GPC6: variants seen among roughly 807,000 people sequenced by gnomAD.
GPC6 encodes the protein glypican-6.
GPC6 carries 14 observed loss-of-function variants against 55.2 expected under a neutral mutation model. That is an observed-to-expected ratio of 0.25 (90% CI 0.17 to 0.40). The LOEUF (loss-of-function observed/expected upper bound fraction) is 0.40. Ranked by LOEUF, GPC6 falls within the 10% of genes least tolerant of loss-of-function variation. The pLI is 1.00. For synonymous variants in GPC6, 278 were observed against 259.6 expected (o/e 1.07, Z -0.68); for missense variants, 641 against 708.5 (o/e 0.90, Z 1.08).
At chr13:93,477,567 GTTAAT>G (rs1357007459) in intron 1 of GPC6, among the ~76,000 whole-genome samples, 1 of 152,062 alleles carries the variant, frequency 6.6e-6, no homozygotes, top group Non-Finnish European at 1.5e-5. Context: ...CCAAAACTCA[GTTAAT>G]TTAACTATCA....
chr13:94,186,404 C>T (rs766391601), intron 4 of GPC6, among the ~76,000 whole-genome samples: 1 of 152,198 alleles, frequency 6.6e-6, no homozygotes, highest in Non-Finnish European at 1.5e-5. Flanking sequence ...AATTTCGTAT[C>T]ATTGTCTTAC....
At chr13:93,617,329 A>C (rs1422969689) in intron 2 of GPC6, among the ~76,000 whole-genome samples, 1 of 152,048 alleles carries the variant, frequency 6.6e-6, no homozygotes, top group African/African-American at 2.4e-5. Flanking sequence ...AACTCTTTAA[A>C]CTCTGTAATG....
intron 1 of GPC6, among the ~76,000 whole-genome samples, chr13:93,231,803 G>A (rs1274983507): frequency 4.6e-5 from 7 of 151,978 alleles, no homozygotes; most frequent in African/African-American, 1.2e-4. Context: ...AAAAAAAAAT[G>A]TAACTAGCTC....
At chr13:94,288,104 C>T (rs952340618) in intron 5 of GPC6, among the ~76,000 whole-genome samples, 1 of 152,104 alleles carries the variant, frequency 6.6e-6, no homozygotes, top group Non-Finnish European at 1.5e-5. Context: ...ACCATTCCAG[C>T]CCTCAGTAAG....
intron 1 of GPC6, among the ~76,000 whole-genome samples, chr13:93,241,781 A>T (rs1276701090): frequency 1.3e-5 from 2 of 151,438 alleles, no homozygotes; most frequent in African/African-American, 4.9e-5. Context: ...TCATCTGGAT[A>T]GAATTGTTTC....
chr13:94,263,331 A>G (rs1891705651), intron 4 of GPC6, among the ~76,000 whole-genome samples: 1 of 152,216 alleles, frequency 6.6e-6, no homozygotes, highest in South Asian at 2.1e-4. Context: ...CATTTGTTTA[A>G]CACCTGCTAC....
intron 1 of GPC6, among the ~76,000 whole-genome samples, chr13:93,271,292 C>T (rs763677648): frequency 6.6e-6 from 1 of 152,126 alleles, no homozygotes; most frequent in African/African-American, 2.4e-5. Flanking sequence ...AACTACGTTA[C>T]AAAACATTGG....
intron 3 of GPC6, among the ~76,000 whole-genome samples, chr13:93,932,476 T>G (rs1878226740): frequency 6.6e-6 from 1 of 152,226 alleles, no homozygotes; most frequent in Admixed American, 6.5e-5. Flanking sequence ...TAGCATTACT[T>G]TTTTACAAGT....
At chr13:94,209,246 C>G (rs1399512515) in intron 4 of GPC6, among the ~76,000 whole-genome samples, 2 of 152,110 alleles carry the variant, frequency 1.3e-5, no homozygotes, top group Non-Finnish European at 2.9e-5. Flanking sequence ...GTTGTTTGTT[C>G]CCTTCCAGGG....
At chr13:93,521,693 A>G (rs1442465039) in intron 1 of GPC6, among the ~76,000 whole-genome samples, 1 of 152,012 alleles carries the variant, frequency 6.6e-6, no homozygotes, top group Non-Finnish European at 1.5e-5. Flanking sequence ...TAACATACTT[A>G]TATGAGGTGA....
At chr13:93,323,495 A>G (rs2139126004) in intron 1 of GPC6, among the ~76,000 whole-genome samples, 1 of 152,204 alleles carries the variant, frequency 6.6e-6, no homozygotes, top group Non-Finnish European at 1.5e-5. Context: ...CTGTTTTATT[A>G]GGTTATGCCT....
intron 1 of GPC6, among the ~76,000 whole-genome samples, chr13:93,452,142 G>C (rs1296158053): frequency 6.6e-6 from 1 of 152,078 alleles, no homozygotes; most frequent in Non-Finnish European, 1.5e-5. Flanking sequence ...GCTGAAATTG[G>C]TTTGCAGTCA....
intron 3 of GPC6, among the ~76,000 whole-genome samples, chr13:93,929,367 G>A (rs1878034694): frequency 6.6e-6 from 1 of 152,130 alleles, no homozygotes; most frequent in Admixed American, 6.5e-5. Context: ...TATTCTTTTT[G>A]TTGTTGTTGA....
At chr13:93,980,031 C>T (rs1880722244) in intron 3 of GPC6, among the ~76,000 whole-genome samples, 1 of 152,120 alleles carries the variant, frequency 6.6e-6, no homozygotes, top group Non-Finnish European at 1.5e-5. Flanking sequence ...TCTCAGGCAA[C>T]CTCTTTTTCC....
At chr13:93,710,346 C>T (rs919416239) in intron 2 of GPC6, among the ~76,000 whole-genome samples, 2 of 151,706 alleles carry the variant, frequency 1.3e-5, no homozygotes, top group Admixed American at 1.3e-4. Flanking sequence ...CTTTAAATGA[C>T]CCAAGGGTAT....
intron 2 of GPC6, among the ~76,000 whole-genome samples, chr13:93,695,675 T>C (rs913129738): frequency 4.6e-5 from 7 of 152,084 alleles, no homozygotes; most frequent in Non-Finnish European, 8.8e-5. Flanking sequence ...TGCAAAATAG[T>C]GTAAGATGAA....
At chr13:93,305,116 C>T (rs1281214284) in intron 1 of GPC6, among the ~76,000 whole-genome samples, 1 of 152,136 alleles carries the variant, frequency 6.6e-6, no homozygotes, top group Non-Finnish European at 1.5e-5. Context: ...CTTAACACGG[C>T]CTGCCCATCA....
intron 2 of GPC6, among the ~76,000 whole-genome samples, chr13:93,729,175 C>T (rs980757228): frequency 6.6e-6 from 1 of 152,154 alleles, no homozygotes; most frequent in African/African-American, 2.4e-5. Flanking sequence ...TAGAGTCCTG[C>T]TCTCTTCTCT....
chr13:93,976,772 A>G (rs1880536363), intron 3 of GPC6, among the ~76,000 whole-genome samples: 1 of 151,798 alleles, frequency 6.6e-6, no homozygotes, highest in Non-Finnish European at 1.5e-5. Context: ...GGCACTTCTG[A>G]CAGGAGAAGG....
Sources: allele counts gnomAD v4.1 joint callset (sites outside exome capture counted in the v4.1 genomes callset), GRCh38; gene constraint gnomAD v4.1.1; transcripts MANE v1.5; gene names NCBI Gene and HGNC (gene_info 2026-07-23, HGNC 2026-07-21).